FAM163A: variants seen among roughly 807,000 people sequenced by gnomAD.
FAM163A encodes the protein family with sequence similarity 163 member A.
In FAM163A, 7 loss-of-function variants were observed where a neutral mutation model predicts 12.0. That is an observed-to-expected ratio of 0.58 (90% CI 0.33 to 1.10). The LOEUF is 1.10. FAM163A is among the 50% of genes least tolerant of loss of function. FAM163A has a pLI of 0.03. For synonymous variants in FAM163A, 101 were observed against 91.0 expected, an observed-to-expected ratio of 1.11 and a Z score of -0.62; for missense variants, 202 against 218.6, an observed-to-expected ratio of 0.92 and a Z score of 0.48.
intron 1 of FAM163A, among the ~76,000 whole-genome samples, chr1:179,783,247 T>C (rs567910153): frequency 5.3e-5 from 8 of 151,800 alleles, no homozygotes; most frequent in Admixed American, 3.9e-4. Context: ...AAAGACTGAG[T>C]AGAAACATGG....
At chr1:179,787,169 G>A (rs192843772) in intron 1 of FAM163A, among the ~76,000 whole-genome samples, 1 of 152,358 alleles carries the variant, frequency 6.6e-6, no homozygotes, top group Admixed American at 6.5e-5. Context: ...CCAAAGCAGA[G>A]TCTTCCAGTT....
At chr1:179,795,185 G>T (rs1341533990) in intron 1 of FAM163A, among the ~76,000 whole-genome samples, 1 of 152,226 alleles carries the variant, frequency 6.6e-6, no homozygotes, top group East Asian at 1.9e-4. Context: ...TTATAAAACA[G>T]CCGGGCATGA....
At chr1:179,776,090 C>G (rs1032348293) in intron 1 of FAM163A, among the ~76,000 whole-genome samples, 3 of 152,146 alleles carry the variant, frequency 2.0e-5, no homozygotes, top group African/African-American at 4.8e-5. Flanking sequence ...GAGGCCTACA[C>G]TTGGTGCTGG....
At chr1:179,796,952 C>T (rs1692413877) in intron 1 of FAM163A, among the ~76,000 whole-genome samples, 1 of 152,210 alleles carries the variant, frequency 6.6e-6, no homozygotes, top group Non-Finnish European at 1.5e-5. Flanking sequence ...AGTTCTCACC[C>T]CTTTAGCTCA....
At chr1:179,792,283 TTGTG>T (rs3075152) in intron 1 of FAM163A, among the ~76,000 whole-genome samples, 26,267 of 133,430 alleles carry the variant, frequency 0.2, 2,467 homozygotes, top group East Asian at 0.33. Flanking sequence ...CCATATCTGA[TTGTG>T]TGTGTGTGTG....
intron 1 of FAM163A, among the ~76,000 whole-genome samples, chr1:179,782,971 A>G (rs1172755267): frequency 6.6e-6 from 1 of 152,134 alleles, no homozygotes; most frequent in Non-Finnish European, 1.5e-5. Context: ...TCATTCATTC[A>G]TGTACAAAAT....
intron 1 of FAM163A, among the ~76,000 whole-genome samples, chr1:179,761,983 A>G (rs1204568898): frequency 1.3e-5 from 2 of 152,140 alleles, no homozygotes; most frequent in Non-Finnish European, 2.9e-5. Flanking sequence ...GTGTTTTAAC[A>G]TCGTTTCTGC....
chr1:179,791,245 C>T (rs1469111568), intron 1 of FAM163A, among the ~76,000 whole-genome samples: 1 of 152,182 alleles, frequency 6.6e-6, no homozygotes, highest in Non-Finnish European at 1.5e-5. Context: ...TCTAAGGACC[C>T]AGGCACGAGA....
Position 179,813,061 on chromosome 1 carries a change from C to G in FAM163A, c.-22-15C>G, listed in dbSNP as rs1424836509. The G allele has an allele frequency of 6.5e-7, 1 of 1,549,766 alleles. No individual in the cohort carries two copies. The highest frequency in any genetic ancestry group is 8.7e-7 in the Non-Finnish European group (1 of 1,145,408). ...CAGCCACAGCTGGTCCTCAGCCCTCCGCACATCTTTGCAGAGTTTGATGGG... is the reference window on the plus strand; with the variant it reads ...CAGCCACAGCTGGTCCTCAGCCCTCGGCACATCTTTGCAGAGTTTGATGGG... On this transcript the variant is annotated splice_polypyrimidine_tract_variant and intron_variant, in intron 3 of 4. Transcript: ENST00000341785.
At chr1:179,737,584 C>A in the FAM163A span, among the ~76,000 whole-genome samples, 38 of 152,226 alleles carry the variant, frequency 2.5e-4, no homozygotes, top group Non-Finnish European at 4.1e-4. Flanking sequence ...ACCTGTAATC[C>A]CAGCACTTTG....
At chr1:179,765,970 AC>A (rs760235806) in intron 1 of FAM163A, among the ~76,000 whole-genome samples, 1 of 152,160 alleles carries the variant, frequency 6.6e-6, no homozygotes, top group African/African-American at 2.4e-5. Flanking sequence ...TTTCTCAGCC[AC>A]CTTGGAAGGG....
At chr1:179,762,402 A>G (rs766516513) in intron 1 of FAM163A, among the ~76,000 whole-genome samples, 14 of 151,952 alleles carry the variant, frequency 9.2e-5, no homozygotes, top group Non-Finnish European at 1.8e-4. Flanking sequence ...GGGAGAGGAG[A>G]GGTGTTCACC....
chr1:179,762,822 A>T (rs1686987168), intron 1 of FAM163A, among the ~76,000 whole-genome samples: 1 of 152,226 alleles, frequency 6.6e-6, no homozygotes, highest in Admixed American at 6.5e-5. Context: ...GGGGCCTAGG[A>T]GAGAAATACT....
At chr1:179,795,197 G>T (rs551700539) in intron 1 of FAM163A, among the ~76,000 whole-genome samples, 1 of 152,310 alleles carries the variant, frequency 6.6e-6, no homozygotes, top group South Asian at 2.1e-4. Context: ...CGGGCATGAT[G>T]GCTCATGCCT....
At chr1:179,812,751 G>A (rs1283829615) in intron 3 of FAM163A, among the ~76,000 whole-genome samples, 2 of 152,238 alleles carry the variant, frequency 1.3e-5, no homozygotes, top group Non-Finnish European at 2.9e-5. Flanking sequence ...CGCAATCAGC[G>A]GCAGCTGTTC....
chr1:179,752,216 A>C (rs1334513277), intron 1 of FAM163A, among the ~76,000 whole-genome samples: 1 of 152,228 alleles, frequency 6.6e-6, no homozygotes, highest in Admixed American at 6.5e-5. Flanking sequence ...TCTCTTCAAC[A>C]AATAGTGTTA....
intron 1 of FAM163A, among the ~76,000 whole-genome samples, chr1:179,801,520 T>C (rs1226293190): frequency 6.6e-6 from 1 of 152,208 alleles, no homozygotes; most frequent in Non-Finnish European, 1.5e-5. Flanking sequence ...TAGAAGGCAG[T>C]GTGATTTTAA....
At chr1:179,760,318 G>A (rs1242953250) in intron 1 of FAM163A, among the ~76,000 whole-genome samples, 3 of 152,130 alleles carry the variant, frequency 2.0e-5, no homozygotes, top group Non-Finnish European at 2.9e-5. Context: ...AATGTGTAAG[G>A]CTGACCCAGG....
At chr1:179,764,261 C>A (rs987453595) in intron 1 of FAM163A, among the ~76,000 whole-genome samples, 1 of 152,176 alleles carries the variant, frequency 6.6e-6, no homozygotes, top group African/African-American at 2.4e-5. Context: ...GGTGTTGCAT[C>A]CACTAGCAAC....
Sources: gnomAD v4.1 joint callset for allele counts (sites outside exome capture counted in the v4.1 genomes callset) on GRCh38, gnomAD v4.1.1 for gene constraint, MANE v1.5 for transcripts, NCBI Gene and HGNC (gene_info 2026-07-23, HGNC 2026-07-21) for gene names.